The following PLXNB1 variants were observed in gnomAD, a reference collection of about 807,000 sequenced individuals.
PLXNB1 encodes the protein plexin B1.
PLXNB1 carries 106 observed loss-of-function variants against 209.4 expected under a neutral mutation model. The ratio of observed to expected loss-of-function variants is 0.51; its 90% confidence interval spans 0.43 to 0.59. The LOEUF (loss-of-function observed/expected upper bound fraction) is 0.59. Among genes scored for constraint, PLXNB1 ranks in the 20% least tolerant of loss-of-function variants. The pLI is 0.00. For missense variants in PLXNB1, 2,357 were observed against 2,853.2 expected, an observed-to-expected ratio of 0.83 and a Z score of 3.96; for synonymous variants, 1,167 against 1,183.2, an observed-to-expected ratio of 0.99 and a Z score of 0.28.
At position 48,405,780 on chromosome 3, in the gene PLXNB1, C is replaced by T. The variant is rs915855083; in HGVS notation, c.6247G>A (p.Gly2083Arg). The T allele has an allele frequency of 1.9e-6, 3 of 1,613,568 alleles. No individual in the cohort carries two copies. Among genetic ancestry groups the T allele is most frequent in the Non-Finnish European group, 2.5e-6 (3 of 1,179,784 alleles). Residue 2083 changes from glycine (G) to arginine (R), a missense_variant, in exon 37 of 38, where the codon GGG (glycine) becomes AGG (arginine). By Grantham distance (125) the Gly-to-Arg change is moderately radical. Transcript: ENST00000296440. The surrounding 1 kb of genome is among the most constrained non-coding windows in gnomAD (Gnocchi z 5.0). ...ELSWNYSGDLGARVALHELYK... is the reference protein window; with the variant it reads ...ELSWNYSGDLRARVALHELYK... ...AGTTCATGCAGGGCCACTCGCGCCC[C>T]GAGGTCTCCGGAGTAGTTCTAGGGA...
chr3:48,414,719 G>A (rs1306066962), intron 21 of PLXNB1, 80 bp downstream of exon 21: 11 of 1,531,574 alleles, frequency 7.2e-6, no homozygotes, highest in African/African-American at 2.7e-5. Flanking sequence ...TACTGTCTCG[G>A]CCTCTCCGCC....
At position 48,417,669 on chromosome 3, in the gene PLXNB1, G is replaced by A. The variant is rs1184496533; in HGVS notation, c.3374+242C>T. 2.6e-5 allele frequency among the ~76,000 whole-genome samples: 4 copies of A among 152,196 alleles called. No individual in the cohort carries two copies. Among genetic ancestry groups the A allele is most frequent in the Non-Finnish European group, 5.9e-5 (4 of 68,030 alleles). On this transcript the variant is annotated intron_variant, in intron 16 of 37. Transcript: ENST00000296440. This position sits in a 1 kb window ranked among gnomAD's most constrained non-coding sequence, Gnocchi z 4.4. Reference sequence around the variant, plus strand: ...TGAGCAGAGCAGGAAGCAGAGCCACGAGTCAGTTCTGGGCAGTGACGGGCC... The same window carrying A: ...TGAGCAGAGCAGGAAGCAGAGCCACAAGTCAGTTCTGGGCAGTGACGGGCC...
At position 48,403,918 on chromosome 3, in the gene PLXNB1, CT is replaced by C. The variant is rs1036450649; in HGVS notation, c.*567del. 5 of 153,858 alleles carry C rather than the reference CT, an allele frequency of 3.2e-5. No homozygotes were observed. Among genetic ancestry groups the C allele is most frequent in the African/African-American group, 1.2e-4 (5 of 41,466 alleles). The allele number at this position is 153,858 out of a possible 1,614,324, so 9.5% of individuals were successfully genotyped here. Reference sequence around the variant, plus strand: ...AGTCACCACTCTCCCCAAGACCCCCCTGCAGCAGATAGCCCTCACCATGGCT... The same window carrying C: ...AGTCACCACTCTCCCCAAGACCCCCCGCAGCAGATAGCCCTCACCATGGCT... On this transcript the variant is annotated 3_prime_UTR_variant, in exon 38 of 38. Coordinates refer to ENST00000296440, the MANE Select transcript of PLXNB1 (RefSeq NM_001130082.3).
At chr3:48,428,070 C>G (rs2038987438) in intron 1 of PLXNB1, among the ~76,000 whole-genome samples, 1 of 152,136 alleles carries the variant, frequency 6.6e-6, no homozygotes, top group African/African-American at 2.4e-5. Context: ...GATTCAGAGG[C>G]CCCAGCAACT....
rs578071917 is a variant in PLXNB1 at position 48,410,545 on chromosome 3, C to T, written c.5430G>A (p.Gly1810=). The T allele has an allele frequency of 8.9e-5, 143 of 1,613,402 alleles. 1 individual carries two copies. In the African/African-American group the frequency reaches 1.6e-3, roughly 18 times the overall value. The part of the protein sequence containing the change: ...PRTLDVEWRS[G]VAGHLILSDE... ...CAGAAAGAATGAGGTGCCCGGCCACCCCAGACCGCCACTCTGCAAGGGCAA... is the reference window on the plus strand; with the variant it reads ...CAGAAAGAATGAGGTGCCCGGCCACTCCAGACCGCCACTCTGCAAGGGCAA... The change falls in exon 30 of 38, where the codon GGG becomes GGA. Residue 1810 remains glycine (G), a synonymous_variant. Coordinates refer to ENST00000296440, the MANE Select transcript of PLXNB1 (RefSeq NM_001130082.3). The surrounding 1 kb of genome is among the most constrained non-coding windows in gnomAD (Gnocchi z 6.4).
At chr3:48,407,226 T>C (rs1480678808) in intron 34 of PLXNB1, 135 bp from the exon 35 acceptor site, 13 of 775,880 alleles carry the variant, frequency 1.7e-5, no homozygotes, top group Non-Finnish European at 2.5e-5. Flanking sequence ...AGGAAGCCCC[T>C]GAGTCCCGGA....
rs1005038002 is a variant in PLXNB1 at position 48,429,758 on chromosome 3, C to T, written c.-60+250G>A. Reference sequence around the variant, plus strand: ...CCCCGCCCCGTCGGCCTCACCTGCTCGCCTCCTTGGAACCGGAACTGGGAA... The same window carrying T: ...CCCCGCCCCGTCGGCCTCACCTGCTTGCCTCCTTGGAACCGGAACTGGGAA... On this transcript the variant is annotated intron_variant, in intron 1 of 37. Coordinates refer to ENST00000296440, the MANE Select transcript of PLXNB1 (RefSeq NM_001130082.3). This position sits in a 1 kb window ranked among gnomAD's most constrained non-coding sequence, Gnocchi z 6.4. Among the ~76,000 whole-genome samples, 2 of 152,084 alleles carry T rather than the reference C, an allele frequency of 1.3e-5. No individual in the cohort carries two copies. The highest frequency in any genetic ancestry group is 3.9e-4 in the East Asian group (2 of 5,170).
In PLXNB1 at chr3:48,415,437, C is replaced by A; in HGVS notation, c.3795-90G>T. On this transcript the variant is annotated intron_variant, in intron 19 of 37. Coordinates refer to ENST00000296440, the MANE Select transcript of PLXNB1 (RefSeq NM_001130082.3). This position sits in a 1 kb window ranked among gnomAD's most constrained non-coding sequence, Gnocchi z 5.0. ...CCAGTCCCGGCTAGGTCAGCTCAGCCCCAGCCCCAAACCACACGACCCCTT... is the reference window on the plus strand; with the variant it reads ...CCAGTCCCGGCTAGGTCAGCTCAGCACCAGCCCCAAACCACACGACCCCTT... 2.0e-6 allele frequency: 3 copies of A among 1,479,970 alleles called. No individual in the cohort carries two copies. Among genetic ancestry groups the A allele is most frequent in the Non-Finnish European group, 2.8e-6 (3 of 1,088,336 alleles). The allele number at this position is 1,479,970 out of a possible 1,614,324, so 91.7% of individuals were successfully genotyped here.
rs1328644631 is a variant in PLXNB1, at chr3:48,406,385, A to T, written c.6228+438T>A. Among the ~76,000 whole-genome samples, 2 of 152,218 alleles carry T rather than the reference A, an allele frequency of 1.3e-5. No homozygotes were observed. The highest frequency in any genetic ancestry group is 4.8e-5 in the African/African-American group (2 of 41,448). On this transcript the variant is annotated intron_variant, in intron 36 of 37. Coordinates refer to ENST00000296440, the MANE Select transcript of PLXNB1 (RefSeq NM_001130082.3). This position sits in a 1 kb window ranked among gnomAD's most constrained non-coding sequence, Gnocchi z 4.4. The stretch of plus-strand genomic sequence containing the variant: ...ACACCCCAAAATTATATCTGCTATT[A>T]GTGTTGTGGTTGTCATCATCAACAT...
At position 48,411,754 on chromosome 3, in the gene PLXNB1, A is replaced by T; in HGVS notation, c.5247+109T>A. On this transcript the variant is annotated intron_variant, in intron 28 of 37. Coordinates refer to ENST00000296440, the MANE Select transcript of PLXNB1 (RefSeq NM_001130082.3). The surrounding 1 kb of genome is among the most constrained non-coding windows in gnomAD (Gnocchi z 4.0). ...CAGCCAGAGGTCAACCCAGCTCTAC[A>T]TCCAGGTACCACATCAGAAGCTGGT... The T allele has an allele frequency of 7.7e-7, 1 of 1,298,630 alleles. No individual in the cohort carries two copies. The highest frequency in any genetic ancestry group is 1.1e-6 in the Non-Finnish European group (1 of 925,868). The allele number at this position is 1,298,630 out of a possible 1,614,324, so 80.4% of individuals were successfully genotyped here.
chr3:48,419,921 C>T lies in PLXNB1; in HGVS notation c.2365G>A (p.Ala789Thr). The change falls in exon 11 of 38, where the codon GCC becomes ACC. Residue 789 changes from alanine to threonine, a missense_variant. Transcript: ENST00000296440. This position sits in a 1 kb window ranked among gnomAD's most constrained non-coding sequence, Gnocchi z 5.7. ...RPSATPEDLL[A>T]SPLSPSEVAA... ...ACCTCTGAGGGTGACAGCGGGGAGGCCAAGAGGTCCTCAGGTGTGGCTGAG... is the reference window on the plus strand; with the variant it reads ...ACCTCTGAGGGTGACAGCGGGGAGGTCAAGAGGTCCTCAGGTGTGGCTGAG... 1 of 1,566,130 alleles carries T rather than the reference C, an allele frequency of 6.4e-7. No homozygotes were observed. The highest frequency in any genetic ancestry group is 1.3e-5 in the African/African-American group (1 of 74,086).
chr3:48,423,224 C>G (rs1457894563), intron 3 of PLXNB1, among the ~76,000 whole-genome samples: 1 of 152,170 alleles, frequency 6.6e-6, no homozygotes, highest in Non-Finnish European at 1.5e-5. Flanking sequence ...CCTGTCCCTA[C>G]CCAAGAACCC....
Position 48,418,713 on chromosome 3 carries a change from G to A in PLXNB1, c.2956-171C>T, listed in dbSNP as rs1315655808. Among the ~76,000 whole-genome samples the A allele has an allele frequency of 1.3e-5, 2 of 152,154 alleles. No individual in the cohort carries two copies. The highest frequency in any genetic ancestry group is 2.9e-5 in the Non-Finnish European group (2 of 68,030). Reference sequence around the variant, plus strand: ...CAGAAATGGAGTATGGGGACCCCATGGGGTCTCAAGTTAGAGTTCAGAGCT... The same window carrying A: ...CAGAAATGGAGTATGGGGACCCCATAGGGTCTCAAGTTAGAGTTCAGAGCT... On this transcript the variant is annotated intron_variant, in intron 13 of 37. Transcript: ENST00000296440. This position sits in a 1 kb window ranked among gnomAD's most constrained non-coding sequence, Gnocchi z 6.6.
At chr3:48,421,901 C>T in intron 6 of PLXNB1, 95 bp from the exon 7 acceptor site, 1 of 1,515,138 alleles carries the variant, frequency 6.6e-7, no homozygotes, top group South Asian at 1.3e-5. Context: ...CTGGGCAGGG[C>T]CCTAGAGTGG....
chr3:48,420,418 C>A (rs1037728725), intron 10 of PLXNB1, among the ~76,000 whole-genome samples, 161 bp from the exon 11 acceptor site: 3 of 152,166 alleles, frequency 2.0e-5, no homozygotes, highest in South Asian at 4.1e-4. Context: ...CGGGGGAAGG[C>A]TCCAGGGGTG....
rs2038575216 is a variant in PLXNB1 at position 48,422,192 on chromosome 3, G to A, written c.1433C>T (p.Pro478Leu). The A allele has an allele frequency of 6.2e-7, 1 of 1,613,978 alleles. No homozygotes were observed. Among genetic ancestry groups the A allele is most frequent in the African/African-American group, 1.3e-5 (1 of 74,922 alleles). ...VMTQSTLLKV[P>L]VASCAQHLDC... is the part of the protein sequence containing the mutation. ...CAGGTGCTGAGCACAGGAAGCCACA[G>A]GAACCTTCAGAAGCTGAGACAGCAA... is the stretch of plus-strand genomic sequence containing the variant. The change falls in exon 6 of 38, where the codon CCT becomes CTT. Residue 478 changes from proline (P) to leucine (L), a missense_variant. Physicochemically the swap from Pro to Leu is moderately conservative, Grantham distance 98. Around this residue, in one of 7 missense-constraint regions of PLXNB1, gnomAD observed 214 missense variants for 297.1 expected, o/e 0.72. Transcript: ENST00000296440.
At position 48,419,413 on chromosome 3, in the gene PLXNB1, G is replaced by A; in HGVS notation, c.2710-47C>T. 1 of 1,524,480 alleles carries A rather than the reference G, an allele frequency of 6.6e-7. No homozygotes were observed. The highest frequency in any genetic ancestry group is 8.8e-7 in the Non-Finnish European group (1 of 1,133,710). 94.4% of individuals were successfully genotyped at this position (1,524,480 alleles called of 1,614,324 possible). A position where few individuals can be genotyped will look rare whatever the true frequency, so the allele number is the denominator to read the frequency against. ...CAGTCTATGGAGCCCACCCTGCCCA[G>A]CTCAGCCCTCTGCCTTGCCAGATTC... On this transcript the variant is annotated intron_variant, in intron 11 of 37. Transcript: ENST00000296440. This position sits in a 1 kb window ranked among gnomAD's most constrained non-coding sequence, Gnocchi z 5.7.
In PLXNB1 at chr3:48,411,008, G is replaced by T. The variant is rs761171235; in HGVS notation, c.5276C>A (p.Pro1759His). Residue 1759 changes from proline (P) to histidine (H), a missense_variant, in exon 29 of 38, where the codon CCT becomes CAT. Pro to His is a moderately conservative substitution (Grantham distance 77). Around this residue, in one of 7 missense-constraint regions of PLXNB1, gnomAD observed 414 missense variants for 520.5 expected, o/e 0.80. Transcript: ENST00000296440. This position sits in a 1 kb window ranked among gnomAD's most constrained non-coding sequence, Gnocchi z 4.0. ...LTLNALLAVG[P>H]GAGEAQGVPV... The stretch of plus-strand genomic sequence containing the variant: ...CACGCCCTGGGCCTCTCCTGCCCCA[G>T]GCCCCACAGCCAATAGTGCATTCAA... 4.8e-5 allele frequency: 77 copies of T among 1,613,572 alleles called. 1 individual carries two copies. The highest frequency in any genetic ancestry group is 1.6e-4 in the Middle Eastern group (1 of 6,062).
In PLXNB1 at chr3:48,420,270, G is replaced by T; in HGVS notation, c.2029-13C>A. 2 of 1,519,286 alleles carry T rather than the reference G, an allele frequency of 1.3e-6. No individual in the cohort carries two copies. The highest frequency in any genetic ancestry group is 1.8e-6 in the Non-Finnish European group (2 of 1,126,884). 94.1% of individuals were successfully genotyped at this position (1,519,286 alleles called of 1,614,324 possible). On this transcript the variant is annotated splice_polypyrimidine_tract_variant and intron_variant, in intron 10 of 37. Coordinates refer to ENST00000296440, the MANE Select transcript of PLXNB1 (RefSeq NM_001130082.3). ...AGACAAGCGGGCTCTGAAGGGGGAG[G>T]CAGAGGAAGACAGGAAGGGCCACTC...
Sources: allele counts gnomAD v4.1 joint callset (sites outside exome capture counted in the v4.1 genomes callset), GRCh38; gene constraint gnomAD v4.1.1; regional missense constraint gnomAD v4.1.1; non-coding constraint Gnocchi (gnomAD v3.1); transcripts MANE v1.5; gene names NCBI Gene and HGNC (gene_info 2026-07-23, HGNC 2026-07-21).